TGFBI: variants seen among roughly 807,000 people sequenced by gnomAD.
The protein encoded by TGFBI is transforming growth factor beta induced.
Under a neutral mutation model 73.7 loss-of-function variants are expected in TGFBI, and 50 were observed. The observed-to-expected ratio is 0.68, with a 90% confidence interval of 0.54 to 0.86. The LOEUF is 0.86. TGFBI is among the 40% of genes least tolerant of loss of function. The pLI is 0.00. For synonymous variants in TGFBI, 362 were observed against 360.5 expected (o/e 1.00, Z -0.05); for missense variants, 839 against 877.0 (o/e 0.96, Z 0.55).
chr5:136,033,921 G>A, intron 2 of TGFBI, 60 bp downstream of exon 2: 1 of 1,413,894 alleles, frequency 7.1e-7, no homozygotes, highest in Non-Finnish European at 9.9e-7. Context: ...CAGTTCCCCA[G>A]GGCCTGGGCC....
At chr5:136,062,307 C>T (rs942003806) in intron 15 of TGFBI, among the ~76,000 whole-genome samples, 1 of 152,190 alleles carries the variant, frequency 6.6e-6, no homozygotes, top group African/African-American at 2.4e-5. Flanking sequence ...CTTTTGTACA[C>T]AGGGGTCTCC....
intron 12 of TGFBI, among the ~76,000 whole-genome samples, chr5:136,057,499 G>A (rs1160485201): frequency 6.6e-6 from 1 of 152,060 alleles, no homozygotes; most frequent in African/African-American, 2.4e-5. Context: ...AGCCTGTGTT[G>A]GGAGGATTAA....
intron 8 of TGFBI, 99 bp from the exon 9 acceptor site, chr5:136,053,844 G>A: frequency 6.4e-7 from 1 of 1,553,124 alleles, no homozygotes; most frequent in Non-Finnish European, 8.8e-7. Context: ...TGACTCACGA[G>A]ATGACATTCC....
In TGFBI at chr5:136,055,572, C is replaced by T. The variant is rs1159499648; in HGVS notation, c.1411-108C>T. ...CCTTAATAACCCATCCCAGTGTATACTCCTTCATCTTCATGGATAATGACC... is the reference window on the plus strand; with the variant it reads ...CCTTAATAACCCATCCCAGTGTATATTCCTTCATCTTCATGGATAATGACC... On this transcript the variant is annotated intron_variant, in intron 10 of 16. Coordinates refer to ENST00000442011, the MANE Select transcript of TGFBI (RefSeq NM_000358.3). 5.7e-6 allele frequency: 6 copies of T among 1,060,832 alleles called. No homozygotes were observed. In the East Asian group the frequency reaches 1.7e-4, roughly 30 times the overall value. The allele number at this position is 1,060,832 out of a possible 1,614,324, so 65.7% of individuals were successfully genotyped here. A position where few individuals can be genotyped will look rare whatever the true frequency, so the allele number is the denominator to read the frequency against.
intron 2 of TGFBI, among the ~76,000 whole-genome samples, chr5:136,037,322 G>A (rs1033658324): frequency 6.6e-6 from 1 of 152,210 alleles, no homozygotes. Context: ...AAAGAGGGCT[G>A]TGGGGAGCAG....
At chr5:136,049,655 A>G (rs1181223213) in intron 7 of TGFBI, 75 bp downstream of exon 7, 8 of 1,520,548 alleles carry the variant, frequency 5.3e-6, no homozygotes, top group Non-Finnish European at 7.1e-6. Context: ...CTGGTCCAAG[A>G]TGAACATACC....
intron 2 of TGFBI, among the ~76,000 whole-genome samples, chr5:136,043,554 A>G (rs983937921): frequency 2.6e-5 from 4 of 152,216 alleles, no homozygotes; most frequent in Admixed American, 6.5e-5. Context: ...GAGAGATTTA[A>G]TGACCACTGC....
intron 7 of TGFBI, among the ~76,000 whole-genome samples, chr5:136,051,166 A>G (rs532115037): frequency 6.6e-6 from 1 of 152,328 alleles, no homozygotes; most frequent in African/African-American, 2.4e-5. Flanking sequence ...TAGGCCGGGC[A>G]TGGTTATAAT....
At chr5:136,036,411 A>G (rs1328489082) in intron 2 of TGFBI, among the ~76,000 whole-genome samples, 2 of 152,256 alleles carry the variant, frequency 1.3e-5, no homozygotes, top group Admixed American at 6.5e-5. Context: ...TAAAACTTCT[A>G]GGACAAGAGA....
At chr5:136,031,488 A>T (rs1734338428) in intron 1 of TGFBI, among the ~76,000 whole-genome samples, 1 of 152,248 alleles carries the variant, frequency 6.6e-6, no homozygotes, top group Admixed American at 6.5e-5. Flanking sequence ...AGTGAGATCT[A>T]CTGTTCATGT....
chr5:136,056,906 A>G (rs1751645748), intron 12 of TGFBI, 111 bp downstream of exon 12: 1 of 1,359,006 alleles, frequency 7.4e-7, no homozygotes, highest in African/African-American at 1.5e-5. Context: ...ATTTTATGAC[A>G]AGACTATTAG....
intron 1 of TGFBI, among the ~76,000 whole-genome samples, chr5:136,032,953 G>A: frequency 6.6e-6 from 1 of 152,280 alleles, no homozygotes; most frequent in Middle Eastern, 3.4e-3. Context: ...CAGGGTCCCT[G>A]AGGATTCTTT....
chr5:136,061,380 GA>G, intron 14 of TGFBI, 119 bp from the exon 15 acceptor site: 2 of 752,672 alleles, frequency 2.7e-6, no homozygotes, highest in Non-Finnish European at 4.6e-6. Context: ...ACATTATGGA[GA>G]AAACATGTCT....
At chr5:136,053,532 A>C (rs1454255740) in intron 8 of TGFBI, among the ~76,000 whole-genome samples, 1 of 152,238 alleles carries the variant, frequency 6.6e-6, no homozygotes, top group Non-Finnish European at 1.5e-5. Flanking sequence ...TCCTAGCCCC[A>C]TTCTAGTCTT....
rs769574207 is a variant in TGFBI at position 136,055,736 on chromosome 5, G to C, written c.1467G>C (p.Gly489=). 1 of 1,612,682 alleles carries C rather than the reference G, an allele frequency of 6.2e-7. No individual in the cohort carries two copies. The highest frequency in any genetic ancestry group is 8.5e-7 in the Non-Finnish European group (1 of 1,178,940). ...CCCACGACAAGAGGGGGAGGTACGG[G>C]ACCCTGTTCACGATGGACCGGGTGC... ...IAAHDKRGRY[G]TLFTMDRVLT... Residue 489 remains glycine, a synonymous_variant, in exon 11 of 17, where the codon GGG becomes GGC. Transcript: ENST00000442011.
At chr5:136,033,955 C>T in intron 2 of TGFBI, 94 bp downstream of exon 2, 1 of 1,074,606 alleles carries the variant, frequency 9.3e-7, no homozygotes, top group Non-Finnish European at 1.4e-6. Flanking sequence ...GTCAGGTTGC[C>T]TAAAAAGCCA....
rs1269885072 is a variant in TGFBI at position 136,056,662 on chromosome 5, C to T, written c.1548-3C>T. ...GTGACATTTTCTGTGTGTGTATCTA[C>T]AGCATGCTGGTAGCTGCCATCCAGT... On this transcript the variant is annotated splice_region_variant and splice_polypyrimidine_tract_variant and intron_variant, in intron 11 of 16. Transcript: ENST00000442011. 4 of 1,613,790 alleles carry T rather than the reference C, an allele frequency of 2.5e-6. No homozygotes were observed. Among genetic ancestry groups the T allele is most frequent in the Non-Finnish European group, 3.4e-6 (4 of 1,179,876 alleles).
At chr5:136,058,039 CAG>C (rs1357713706) in intron 12 of TGFBI, among the ~76,000 whole-genome samples, 2 of 152,070 alleles carry the variant, frequency 1.3e-5, no homozygotes, top group African/African-American at 2.4e-5. Flanking sequence ...CCCTGGGGGA[CAG>C]AGAGTGTTAG....
intron 14 of TGFBI, 173 bp from the exon 15 acceptor site, chr5:136,061,327 G>A (rs987561611): frequency 1.6e-6 from 1 of 629,728 alleles, no homozygotes; most frequent in Admixed American, 2.4e-5. Context: ...CACCTTTCTT[G>A]GTGCTCTCTC....
Sources: allele counts gnomAD v4.1 joint callset (sites outside exome capture counted in the v4.1 genomes callset), GRCh38; gene constraint gnomAD v4.1.1; transcripts MANE v1.5; gene names NCBI Gene and HGNC (gene_info 2026-07-23, HGNC 2026-07-21).